Variants in CHURC1 observed in about 807,000 individuals in gnomAD.
CHURC1 encodes protein Churchill.
CHURC1 carries 12 observed loss-of-function variants against 15.4 expected under a neutral mutation model. That is an observed-to-expected ratio of 0.78 (90% CI 0.50 to 1.27). The LOEUF (loss-of-function observed/expected upper bound fraction) is 1.27, where lower values mean the gene tolerates loss of function less well. Among genes scored for constraint, CHURC1 ranks in the 50% most tolerant of loss-of-function variants. The pLI, the probability that CHURC1 is intolerant of heterozygous loss-of-function variation, is 0.00. For synonymous variants in CHURC1, 42 were observed against 47.5 expected, an observed-to-expected ratio of 0.88 and a Z score of 0.48; for missense variants, 132 against 137.8, an observed-to-expected ratio of 0.96 and a Z score of 0.21.
intron 1 of CHURC1, among the ~76,000 whole-genome samples, chr14:64,919,688 G>C (rs1884133772): frequency 6.6e-6 from 1 of 152,086 alleles, no homozygotes. Flanking sequence ...TTTGAGACCA[G>C]CCTGGCCAAC....
intron 1 of CHURC1, among the ~76,000 whole-genome samples, chr14:64,915,221 T>C (rs1178399995): frequency 6.6e-6 from 1 of 152,224 alleles, no homozygotes; most frequent in Admixed American, 6.5e-5. Flanking sequence ...TGGTCTCAAA[T>C]TCCTGGGATC....
chr14:64,925,964 A>G (rs768756301), intron 2 of CHURC1, 46 bp from the exon 3 acceptor site: 2 of 1,396,456 alleles, frequency 1.4e-6, no homozygotes, highest in Non-Finnish European at 2.0e-6. Context: ...AAGTTTTAAG[A>G]AACTCTCTAA....
chr14:64,915,686 T>C (rs1383543347), intron 1 of CHURC1, among the ~76,000 whole-genome samples: 3 of 152,256 alleles, frequency 2.0e-5, no homozygotes, highest in African/African-American at 7.2e-5. Flanking sequence ...GTAGTACAAC[T>C]ACTTTGAAAA....
chr14:64,924,509 C>T (rs951684859), intron 2 of CHURC1: 1 of 153,016 alleles, frequency 6.5e-6, no homozygotes, highest in Admixed American at 6.5e-5. Context: ...ACCATGATAT[C>T]CTCCAACAGC....
At chr14:64,927,803 G>C (rs1462895821) in intron 3 of CHURC1, among the ~76,000 whole-genome samples, 1 of 145,642 alleles carries the variant, frequency 6.9e-6, no homozygotes, top group African/African-American at 2.5e-5. Flanking sequence ...GGGCACAGTG[G>C]TGTGTGCCTA....
At chr14:64,920,731 A>T (rs1884226054) in intron 1 of CHURC1, among the ~76,000 whole-genome samples, 1 of 152,204 alleles carries the variant, frequency 6.6e-6, no homozygotes, top group South Asian at 2.1e-4. Flanking sequence ...TCCAGTTCAG[A>T]GTTATATTTA....
rs1409529983 is a variant in CHURC1, at chr14:64,931,151, G to C, written c.247-987G>C. 2.0e-5 allele frequency among the ~76,000 whole-genome samples: 3 copies of C among 152,322 alleles called. No homozygotes were observed. The South Asian group carries it at 6.2e-4, about 32-fold the overall frequency. ...TAACATAGATGTTTGTTTTTGTACA[G>C]AGAAAAAGGCTTTTAAATGAAAGGT... On this transcript the variant is annotated intron_variant, in intron 3 of 3. Coordinates refer to ENST00000549115, the MANE Select transcript of CHURC1 (RefSeq NM_001386928.1).
chr14:64,918,830 C>G lies in CHURC1; in HGVS notation c.39+4296C>G, dbSNP rs574513537. 2.0e-5 allele frequency among the ~76,000 whole-genome samples: 3 copies of G among 152,102 alleles called. No homozygotes were observed. In the South Asian group the frequency reaches 6.2e-4, roughly 32 times the overall value. ...CCTGAGCAACAGAGCAAAACCCTGT[C>G]TACTTAAAAAAACAAACAAACAAAA... On this transcript the variant is annotated intron_variant, in intron 1 of 3. Coordinates refer to ENST00000549115, the MANE Select transcript of CHURC1 (RefSeq NM_001386928.1).
At position 64,933,875 on chromosome 14, in the gene CHURC1, CT is replaced by C. The variant is rs960994439; in HGVS notation, c.*1650del. 1.7e-5 allele frequency: 17 copies of C among 984,114 alleles called. No individual in the cohort carries two copies. The African/African-American group carries it at 2.6e-4, about 15-fold the overall frequency. The allele number at this position is 984,114 out of a possible 1,614,324, so 61.0% of individuals were successfully genotyped here. Reference sequence around the variant, plus strand: ...TTAAGTACTTACTACATGCTAAGAGCTTTTTAAGCACTTATTTAATCCTCAT... The same window carrying C: ...TTAAGTACTTACTACATGCTAAGAGCTTTTAAGCACTTATTTAATCCTCAT... On this transcript the variant is annotated 3_prime_UTR_variant, in exon 4 of 4. Coordinates refer to ENST00000549115, the MANE Select transcript of CHURC1 (RefSeq NM_001386928.1).
intron 3 of CHURC1, among the ~76,000 whole-genome samples, 186 bp downstream of exon 3, chr14:64,926,266 T>G (rs994457667): frequency 1.3e-5 from 2 of 148,982 alleles, no homozygotes; most frequent in African/African-American, 5.0e-5. Context: ...AGGCTGGTAT[T>G]GAACTCCTGG....
At position 64,934,346 on chromosome 14, in the gene CHURC1, T is replaced by TCAAAAA. The variant is rs1885227907; in HGVS notation, c.*2128_*2133dup. ...CTGGGAGACAGAGCAAGACTCCATC[T>TCAAAAA]CAAAAACAAAAACAAAACAAAACAA... is the stretch of plus-strand genomic sequence containing the variant. On this transcript the variant is annotated 3_prime_UTR_variant, in exon 4 of 4. Transcript: ENST00000549115. The TCAAAAA allele has an allele frequency of 1.1e-6, 1 of 878,324 alleles. No individual in the cohort carries two copies. 54.4% of individuals were successfully genotyped at this position (878,324 alleles called of 1,614,324 possible). A position where few individuals can be genotyped will look rare whatever the true frequency, so the allele number is the denominator to read the frequency against.
Position 64,934,138 on chromosome 14 carries a change from T to C in CHURC1, c.*1908T>C. The C allele has an allele frequency of 1.3e-6, 1 of 759,216 alleles. No homozygotes were observed. The highest frequency in any genetic ancestry group is 1.6e-6 in the Non-Finnish European group (1 of 624,554). 47.0% of individuals were successfully genotyped at this position (759,216 alleles called of 1,614,324 possible). A position where few individuals can be genotyped will look rare whatever the true frequency, so the allele number is the denominator to read the frequency against. On this transcript the variant is annotated 3_prime_UTR_variant, in exon 4 of 4. Transcript: ENST00000549115. Reference sequence around the variant, plus strand: ...CAGGCGGATCACCTGAGGTCAGGAGTTTGAGACCAGCCGGGCCAACATGGT... The same window carrying C: ...CAGGCGGATCACCTGAGGTCAGGAGCTTGAGACCAGCCGGGCCAACATGGT...
chr14:64,927,717 C>CCA (rs1491366299), intron 3 of CHURC1, among the ~76,000 whole-genome samples: 1 of 43,860 alleles, frequency 2.3e-5, no homozygotes, highest in African/African-American at 1.3e-4. Flanking sequence ...TCTCCCCCCA[C>CCA]CCCCCCCCCC....
rs957363607 is a variant in CHURC1, at chr14:64,932,914, G to C, written c.*684G>C. ...TCCTTGCAGAGTATAATATGGAAAG[G>C]GGGGAAAAGAGTAACTTTACAGTGG... is the stretch of plus-strand genomic sequence containing the variant. On this transcript the variant is annotated 3_prime_UTR_variant, in exon 4 of 4. Coordinates refer to ENST00000549115, the MANE Select transcript of CHURC1 (RefSeq NM_001386928.1). 4 of 152,168 alleles carry C rather than the reference G, an allele frequency of 2.6e-5. No individual in the cohort carries two copies. Among genetic ancestry groups the C allele is most frequent in the South Asian group, 2.1e-4 (1 of 4,828 alleles). 9.4% of individuals were successfully genotyped at this position (152,168 alleles called of 1,614,324 possible).
chr14:64,935,082 G>T lies in CHURC1; in HGVS notation c.*2852G>T. 1.2e-6 allele frequency: 1 copy of T among 811,768 alleles called. No individual in the cohort carries two copies. Among genetic ancestry groups the T allele is most frequent in the African/African-American group, 1.9e-5 (1 of 53,350 alleles). The allele number at this position is 811,768 out of a possible 1,614,324, so 50.3% of individuals were successfully genotyped here. A position where few individuals can be genotyped will look rare whatever the true frequency, so the allele number is the denominator to read the frequency against. ...CTTCATTCTCAGTAAACTATCGCAA[G>T]GACAAAAAACCAAACACCACATGTT... On this transcript the variant is annotated 3_prime_UTR_variant, in exon 4 of 4. Transcript: ENST00000549115.
chr14:64,916,620 C>T (rs974814203), intron 1 of CHURC1, among the ~76,000 whole-genome samples: 3 of 152,114 alleles, frequency 2.0e-5, no homozygotes, highest in African/African-American at 4.8e-5. Flanking sequence ...CTCTGTCGCC[C>T]AGGTTGGAGT....
At chr14:64,931,158 A>G (rs1341849896) in intron 3 of CHURC1, among the ~76,000 whole-genome samples, 1 of 152,258 alleles carries the variant, frequency 6.6e-6, no homozygotes, top group Non-Finnish European at 1.5e-5. Context: ...ACAGAGAAAA[A>G]GGCTTTTAAA....
At position 64,926,098 on chromosome 14, in the gene CHURC1, T is replaced by C. The variant is rs1365699477; in HGVS notation, c.246+18T>C. ...AATTTCAGGTAAATATAAATATGGG[T>C]ATAAATATAAATATGGGGAGGTTAG... On this transcript the variant is annotated intron_variant, in intron 3 of 3. Coordinates refer to ENST00000549115, the MANE Select transcript of CHURC1 (RefSeq NM_001386928.1). 2.0e-6 allele frequency: 3 copies of C among 1,510,630 alleles called. No individual in the cohort carries two copies. The highest frequency in any genetic ancestry group is 3.7e-5 in the Admixed American group (2 of 53,534). The allele number at this position is 1,510,630 out of a possible 1,614,324, so 93.6% of individuals were successfully genotyped here. A position where few individuals can be genotyped will look rare whatever the true frequency, so the allele number is the denominator to read the frequency against.
chr14:64,928,632 T>C (rs907945627), intron 3 of CHURC1, among the ~76,000 whole-genome samples: 1 of 152,202 alleles, frequency 6.6e-6, no homozygotes, highest in Non-Finnish European at 1.5e-5. Flanking sequence ...TTCTCTGTGC[T>C]AAAACTATTC....
Sources: gnomAD v4.1 joint callset for allele counts (sites outside exome capture counted in the v4.1 genomes callset) on GRCh38, gnomAD v4.1.1 for gene constraint, MANE v1.5 for transcripts, NCBI Gene and HGNC (gene_info 2026-07-23, HGNC 2026-07-21) for gene names.